Variants in GATAD2B observed in about 807,000 individuals in gnomAD.
The protein encoded by GATAD2B is transcriptional repressor p66-beta.
GATAD2B carries 8 observed loss-of-function variants against 64.3 expected under a neutral mutation model. The observed-to-expected ratio is 0.12, with a 90% CI of 0.07 to 0.22. GATAD2B has a LOEUF of 0.22. GATAD2B is among the 10% of genes least tolerant of loss of function. The pLI is 1.00. For synonymous variants in GATAD2B, 281 were observed against 271.3 expected (o/e 1.04, Z -0.35); for missense variants, 453 against 752.0 (o/e 0.60, Z 4.65).
chr1:153,909,267 A>G (rs1391650970), intron 1 of GATAD2B, among the ~76,000 whole-genome samples: 1 of 151,736 alleles, frequency 6.6e-6, no homozygotes, highest in Non-Finnish European at 1.5e-5. Context: ...AGGCTGGAGT[A>G]CAGTGGCGCA....
chr1:153,889,434 A>AT (rs1677294881), intron 1 of GATAD2B, among the ~76,000 whole-genome samples: 1 of 151,044 alleles, frequency 6.6e-6, no homozygotes, highest in Non-Finnish European at 1.5e-5. Context: ...AAAAAAAAAA[A>AT]AACACACAAA....
intron 1 of GATAD2B, among the ~76,000 whole-genome samples, chr1:153,895,105 C>A (rs1677546430): frequency 6.6e-6 from 1 of 151,624 alleles, no homozygotes; most frequent in South Asian, 2.1e-4. Context: ...TTGCGGTGAA[C>A]CAAGATCACA....
rs114394877 is a variant in GATAD2B at position 153,903,388 on chromosome 1, A to G, written c.-2+19345T>C. On this transcript the variant is annotated intron_variant, in intron 1 of 10. Transcript: ENST00000368655. ...CTCCAGAAATTGGAAAAATAAACTCATATCATTGCTCAGAGCCCTGGATTT... is the reference window on the plus strand; with the variant it reads ...CTCCAGAAATTGGAAAAATAAACTCGTATCATTGCTCAGAGCCCTGGATTT... 8.7e-3 allele frequency among the ~76,000 whole-genome samples: 1,332 copies of G among 152,262 alleles called. 23 individuals carry two copies. Among genetic ancestry groups the G allele is most frequent in the African/African-American group, 0.03 (1,256 of 41,542 alleles).
At chr1:153,846,289 G>A (rs895889644) in intron 1 of GATAD2B, among the ~76,000 whole-genome samples, 2 of 152,104 alleles carry the variant, frequency 1.3e-5, no homozygotes, top group Non-Finnish European at 2.9e-5. Flanking sequence ...CTGGGGTGCA[G>A]TGGTGTGAAC....
At chr1:153,871,002 T>A (rs1465534563) in intron 1 of GATAD2B, among the ~76,000 whole-genome samples, 6 of 152,090 alleles carry the variant, frequency 3.9e-5, no homozygotes, top group African/African-American at 1.2e-4. Context: ...AACCTCTGCC[T>A]CCCCTCTTGC....
At chr1:153,845,947 C>T (rs566478625) in intron 1 of GATAD2B, among the ~76,000 whole-genome samples, 2 of 142,202 alleles carry the variant, frequency 1.4e-5, no homozygotes, top group East Asian at 2.1e-4. Flanking sequence ...AACTACCGCC[C>T]CCCCCCCGCC....
intron 1 of GATAD2B, among the ~76,000 whole-genome samples, chr1:153,847,146 T>C (rs1166205905): frequency 6.6e-6 from 1 of 151,984 alleles, no homozygotes; most frequent in African/African-American, 2.4e-5. Flanking sequence ...TTTGTATTTT[T>C]AGTGGAGACA....
intron 1 of GATAD2B, among the ~76,000 whole-genome samples, chr1:153,871,136 G>A (rs920346477): frequency 6.6e-5 from 10 of 151,854 alleles, no homozygotes; most frequent in African/African-American, 2.4e-4. Flanking sequence ...GCGCGATCTC[G>A]GCTCACCACA....
chr1:153,895,786 T>C (rs1677571211), intron 1 of GATAD2B, among the ~76,000 whole-genome samples: 1 of 152,086 alleles, frequency 6.6e-6, no homozygotes, highest in Non-Finnish European at 1.5e-5. Context: ...AGTCTGATGC[T>C]CACAGCTAAG....
intron 1 of GATAD2B, among the ~76,000 whole-genome samples, chr1:153,834,741 T>C (rs1010375478): frequency 1.1e-4 from 16 of 152,172 alleles, no homozygotes; most frequent in African/African-American, 3.9e-4. Flanking sequence ...ATAACTTTCA[T>C]ACATGACCTT....
chr1:153,824,432 A>AG (rs1557786482), intron 2 of GATAD2B, among the ~76,000 whole-genome samples: 1 of 152,020 alleles, frequency 6.6e-6, no homozygotes, highest in Non-Finnish European at 1.5e-5. Flanking sequence ...GATCGAGACC[A>AG]TCTGGCCAAC....
At chr1:153,911,501 G>A (rs35170146) in intron 1 of GATAD2B, among the ~76,000 whole-genome samples, 19,546 of 152,134 alleles carry the variant, frequency 0.13, 1,732 homozygotes, top group East Asian at 0.49. Context: ...TTGGGAGGCC[G>A]AGGCGGGTGG....
At chr1:153,837,002 T>C (rs1675291252) in intron 1 of GATAD2B, among the ~76,000 whole-genome samples, 1 of 152,224 alleles carries the variant, frequency 6.6e-6, no homozygotes, top group African/African-American at 2.4e-5. Context: ...TTGAGAATTC[T>C]GACCAATCTA....
Position 153,818,725 on chromosome 1 carries a change from G to A in GATAD2B, c.597+66C>T, listed in dbSNP as rs1382337958. On this transcript the variant is annotated intron_variant, in intron 4 of 10. Transcript: ENST00000368655. ...GAGCCACCCAACTGAACCTACCTGG[G>A]GGAACCTACTCTCAAACCAGTTTTT... 4.7e-6 allele frequency: 7 copies of A among 1,485,358 alleles called. No individual in the cohort carries two copies. In the South Asian group the frequency reaches 8.3e-5, roughly 18 times the overall value. The allele number at this position is 1,485,358 out of a possible 1,614,324, so 92.0% of individuals were successfully genotyped here.
intron 5 of GATAD2B, among the ~76,000 whole-genome samples, chr1:153,817,815 G>A (rs1674533128): frequency 1.3e-5 from 2 of 152,062 alleles, no homozygotes; most frequent in African/African-American, 2.4e-5. Flanking sequence ...CTTCTCTAGA[G>A]AAGCTGGAAG....
intron 1 of GATAD2B, among the ~76,000 whole-genome samples, chr1:153,841,458 C>G (rs1285573302): frequency 6.6e-6 from 1 of 152,178 alleles, no homozygotes; most frequent in Non-Finnish European, 1.5e-5. Flanking sequence ...CCATCTCCTG[C>G]CACATTCATT....
chr1:153,883,534 GATT>G (rs1312611408), intron 1 of GATAD2B, among the ~76,000 whole-genome samples: 1 of 152,158 alleles, frequency 6.6e-6, no homozygotes, highest in Non-Finnish European at 1.5e-5. Flanking sequence ...AAGCAAAATA[GATT>G]ATTTCTTCTC....
At chr1:153,850,615 T>G (rs1675852594) in intron 1 of GATAD2B, among the ~76,000 whole-genome samples, 1 of 152,000 alleles carries the variant, frequency 6.6e-6, no homozygotes, top group Non-Finnish European at 1.5e-5. Flanking sequence ...AGCCCATACT[T>G]AATTTTTAAA....
At chr1:153,853,165 C>G in intron 1 of GATAD2B, 1 of 1,361,984 alleles carries the variant, frequency 7.3e-7, no homozygotes, top group Non-Finnish European at 1.1e-6. Flanking sequence ...CCCTTACAGA[C>G]ACGGATATTG....
Sources: gnomAD v4.1 joint callset for allele counts (sites outside exome capture counted in the v4.1 genomes callset) on GRCh38, gnomAD v4.1.1 for gene constraint, MANE v1.5 for transcripts, NCBI Gene and HGNC (gene_info 2026-07-23, HGNC 2026-07-21) for gene names.